PPM1B: variants seen among roughly 807,000 people sequenced by gnomAD.
PPM1B encodes protein phosphatase, Mg2+/Mn2+ dependent 1B.
In PPM1B, 22 loss-of-function variants were observed where a neutral mutation model predicts 43.0. The ratio of observed to expected loss-of-function variants is 0.51; its 90% CI spans 0.37 to 0.73. The LOEUF is 0.73. PPM1B is among the 30% of genes least tolerant of loss of function. The pLI is 0.00. For synonymous variants in PPM1B, 217 were observed against 197.9 expected (o/e 1.10, Z -0.81); for missense variants, 632 against 584.2 (o/e 1.08, Z -0.84).
intron 3 of PPM1B, chr2:44,217,696 T>G: frequency 4.7e-6 from 1 of 213,748 alleles, no homozygotes; most frequent in Non-Finnish European, 9.2e-6. Context: ...TTGGTGAACA[T>G]TTAGTTTGTT....
chr2:44,235,603 C>CAAAAAA (rs60734033), downstream of PPM1B, among the ~76,000 whole-genome samples: 3 of 73,486 alleles, frequency 4.1e-5, no homozygotes, highest in African/African-American at 1.1e-4. Flanking sequence ...AATTCCATCT[C>CAAAAAA]AAAAAAAAAA....
intron 1 of PPM1B, among the ~76,000 whole-genome samples, chr2:44,198,764 A>G (rs936929036): frequency 1.5e-4 from 23 of 152,216 alleles, no homozygotes; most frequent in African/African-American, 4.3e-4. Flanking sequence ...ACCTATGTGC[A>G]GTCTGCCCCA....
downstream of PPM1B, chr2:44,232,528 TG>T: frequency 2.3e-5 from 33 of 1,450,628 alleles, no homozygotes; most frequent in Non-Finnish European, 3.0e-5. Context: ...AGTTGCCACT[TG>T]TAGCATTGCC....
chr2:44,194,308 T>C (rs1668551723), intron 1 of PPM1B, among the ~76,000 whole-genome samples: 1 of 152,184 alleles, frequency 6.6e-6, no homozygotes, highest in Admixed American at 6.5e-5. Context: ...ACCAAGCATT[T>C]TATGGAGTAT....
intron 1 of PPM1B, among the ~76,000 whole-genome samples, chr2:44,170,407 T>C (rs911804539): frequency 1.8e-4 from 28 of 152,382 alleles, no homozygotes; most frequent in African/African-American, 6.5e-4. Flanking sequence ...CTTAGTGTTA[T>C]GTAGCTATTT....
chr2:44,244,859 AGT>A (rs59566158), downstream of PPM1B, among the ~76,000 whole-genome samples: 54 of 146,608 alleles, frequency 3.7e-4, no homozygotes, highest in African/African-American at 9.8e-4. Flanking sequence ...ACACATATAT[AGT>A]GTGTGTGTGT....
chr2:44,184,985 T>G (rs981349459), intron 1 of PPM1B, among the ~76,000 whole-genome samples: 3 of 148,952 alleles, frequency 2.0e-5, no homozygotes, highest in African/African-American at 7.5e-5. Flanking sequence ...GATACTGTTG[T>G]GTTAGTGAAG....
intron 1 of PPM1B, among the ~76,000 whole-genome samples, chr2:44,200,087 C>T (rs1445718981): frequency 3.9e-5 from 6 of 152,062 alleles, no homozygotes; most frequent in African/African-American, 1.4e-4. Context: ...GGGAATAGGG[C>T]TATGGAGTCT....
chr2:44,221,748 CATTCATTTTTCTTATAATTA>C (rs1481760845), intron 5 of PPM1B, among the ~76,000 whole-genome samples: 112 of 152,116 alleles, frequency 7.4e-4, no homozygotes, highest in African/African-American at 2.4e-3. Context: ...AATAGGGATT[CATTCATTTTTCTTATAATTA>C]AGACATCTTT....
intron 1 of PPM1B, among the ~76,000 whole-genome samples, chr2:44,192,239 A>G (rs377343899): frequency 2.0e-5 from 2 of 98,148 alleles, no homozygotes; most frequent in Non-Finnish European, 4.1e-5. Flanking sequence ...TTGTATTGAG[A>G]TGGAGTTTCG....
chr2:44,174,504 TG>T (rs1264586159), intron 1 of PPM1B, among the ~76,000 whole-genome samples: 1 of 152,230 alleles, frequency 6.6e-6, no homozygotes, highest in Admixed American at 6.5e-5. Flanking sequence ...AGTACATTTG[TG>T]TGCTAGAAAT....
At chr2:44,188,389 CTTTCTTTTTTTT>C (rs1668229068) in intron 1 of PPM1B, among the ~76,000 whole-genome samples, 1 of 118,730 alleles carries the variant, frequency 8.4e-6, no homozygotes, top group African/African-American at 3.2e-5. Flanking sequence ...TTCTTTCTTT[CTTTCTTTTTTTT>C]TTTTTTTTTT....
At chr2:44,206,514 G>A (rs893575468) in intron 2 of PPM1B, among the ~76,000 whole-genome samples, 2 of 151,982 alleles carry the variant, frequency 1.3e-5, no homozygotes, top group African/African-American at 4.8e-5. Context: ...TAAATTTATT[G>A]GAACTCTCTT....
At chr2:44,246,186 G>C (rs1171931064), downstream of PPM1B, among the ~76,000 whole-genome samples, 1 of 152,122 alleles carries the variant, frequency 6.6e-6, no homozygotes, top group Non-Finnish European at 1.5e-5. Context: ...ATGGGTAGCA[G>C]AACTGTCTCC....
At chr2:44,203,409 G>A (rs115992922) in intron 2 of PPM1B, among the ~76,000 whole-genome samples, 311 of 152,008 alleles carry the variant, frequency 2.0e-3, no homozygotes, top group African/African-American at 7.3e-3. Flanking sequence ...GTAGATTTTT[G>A]AGACAAGCAT....
intron 5 of PPM1B, among the ~76,000 whole-genome samples, chr2:44,223,558 C>T (rs1168139760): frequency 6.6e-6 from 1 of 151,894 alleles, no homozygotes; most frequent in Non-Finnish European, 1.5e-5. Flanking sequence ...GCCTGTAATG[C>T]CAGCACTTTG....
At position 44,205,064 on chromosome 2, in the gene PPM1B, G is replaced by A. The variant is rs1042557863; in HGVS notation, c.846+3019G>A. Among the ~76,000 whole-genome samples the A allele has an allele frequency of 7.9e-5, 12 of 152,036 alleles. No homozygotes were observed. The East Asian group carries it at 1.5e-3, about 20-fold the overall frequency. ...ATGGTGTTTACTGCCAACTAATTTCGGGTTGCTTAAAATATGTAACTGCCA... is the reference window on the plus strand; with the variant it reads ...ATGGTGTTTACTGCCAACTAATTTCAGGTTGCTTAAAATATGTAACTGCCA... On this transcript the variant is annotated intron_variant, in intron 2 of 5. Coordinates refer to ENST00000282412, the MANE Select transcript of PPM1B (RefSeq NM_002706.6).
Position 44,224,124 on chromosome 2 carries a change from T to C in PPM1B, c.1134+5587T>C, listed in dbSNP as rs1572750207. Among the ~76,000 whole-genome samples the C allele has an allele frequency of 2.0e-5, 3 of 152,146 alleles. No homozygotes were observed. In the South Asian group the frequency reaches 6.2e-4, roughly 32 times the overall value. On this transcript the variant is annotated intron_variant, in intron 5 of 5. Transcript: ENST00000282412. ...TCATAAGAAACATTTTTACTAGTGT[T>C]TACTTTTTCTCTACTGTTATAAGTA...
chr2:44,201,246 A>G lies in PPM1B; in HGVS notation c.47A>G (p.His16Arg). 9.3e-6 allele frequency: 15 copies of G among 1,611,480 alleles called. No individual in the cohort carries two copies. Among genetic ancestry groups the G allele is most frequent in the Non-Finnish European group, 1.3e-5 (15 of 1,178,516 alleles). Residue 16 changes from histidine (H) to arginine (R), a missense_variant, in exon 2 of 6, where the codon CAT (histidine) becomes CGT (arginine). His to Arg is a conservative substitution (Grantham distance 29). This residue lies in a region of PPM1B where 200 missense variants were observed against 200.7 expected (regional missense o/e 1.00). Coordinates refer to ENST00000282412, the MANE Select transcript of PPM1B (RefSeq NM_002706.6). This position sits in a 1 kb window ranked among gnomAD's most constrained non-coding sequence, Gnocchi z 5.4. ...CCCAAAACTGAAAAACATAATGCTC[A>G]TGGTGCTGGGAATGGTTTACGTTAT... ...DKPKTEKHNA[H>R]GAGNGLRYGL... is the part of the protein sequence containing the mutation.
Sources: allele counts gnomAD v4.1 joint callset (sites outside exome capture counted in the v4.1 genomes callset), GRCh38; gene constraint gnomAD v4.1.1; regional missense constraint gnomAD v4.1.1; non-coding constraint Gnocchi (gnomAD v3.1); transcripts MANE v1.5; gene names NCBI Gene and HGNC (gene_info 2026-07-23, HGNC 2026-07-21).